NCOA1: variants seen among roughly 807,000 people sequenced by gnomAD.
NCOA1 encodes the protein Hin-2 protein.
In NCOA1, 35 loss-of-function variants were observed where a neutral mutation model predicts 150.9. The observed-to-expected ratio is 0.23, with a 90% CI of 0.18 to 0.31. The LOEUF (loss-of-function observed/expected upper bound fraction) is 0.31. NCOA1 is among the 10% of genes least tolerant of loss of function. The pLI, the probability that NCOA1 is intolerant of heterozygous loss-of-function variation, is 1.00. For missense variants in NCOA1, 1,491 were observed against 1,749.3 expected, an observed-to-expected ratio of 0.85 and a Z score of 2.63; for synonymous variants, 590 against 630.0, an observed-to-expected ratio of 0.94 and a Z score of 0.95.
At chr2:24,561,287 A>G (rs982412175) in intron 1 of NCOA1, among the ~76,000 whole-genome samples, 4 of 152,208 alleles carry the variant, frequency 2.6e-5, no homozygotes, top group African/African-American at 9.6e-5. Context: ...CTTCTTAGAT[A>G]TAGGTTTCCT....
chr2:24,645,715 A>G lies in NCOA1; in HGVS notation c.-18+1593A>G, dbSNP rs148125399. ...CTGAGCATCCGAAATCTGAAATCCTATATGCTCCCGTGAGCATTTCCTTTG... is the reference window on the plus strand; with the variant it reads ...CTGAGCATCCGAAATCTGAAATCCTGTATGCTCCCGTGAGCATTTCCTTTG... On this transcript the variant is annotated intron_variant, in intron 4 of 22. Transcript: ENST00000348332. 4.9e-4 allele frequency among the ~76,000 whole-genome samples: 74 copies of G among 152,256 alleles called. 4 individuals are homozygous for G. In the East Asian group the frequency reaches 7.9e-3, roughly 16 times the overall value.
At chr2:24,662,778 C>T (rs1238231606) in intron 5 of NCOA1, among the ~76,000 whole-genome samples, 1 of 151,316 alleles carries the variant, frequency 6.6e-6, no homozygotes, top group Non-Finnish European at 1.5e-5. Flanking sequence ...GAAGTTTGGG[C>T]CTGTGCATTT....
chr2:24,611,309 G>A (rs1356492482), intron 3 of NCOA1, among the ~76,000 whole-genome samples: 1 of 152,078 alleles, frequency 6.6e-6, no homozygotes, highest in African/African-American at 2.4e-5. Context: ...ATAATATTTC[G>A]TGGTATACGT....
At chr2:24,693,114 A>T (rs1672744009) in intron 9 of NCOA1, 138 bp from the exon 10 acceptor site, 1 of 746,804 alleles carries the variant, frequency 1.3e-6, no homozygotes, top group Non-Finnish European at 2.3e-6. Flanking sequence ...TCGGCCTCCC[A>T]AAGTGCTGGG....
intron 2 of NCOA1, among the ~76,000 whole-genome samples, chr2:24,580,213 G>A (rs1294173959): frequency 6.6e-6 from 1 of 152,150 alleles, no homozygotes; most frequent in African/African-American, 2.4e-5. Context: ...ATGCTTTAAT[G>A]TGGATTGCTT....
intron 3 of NCOA1, among the ~76,000 whole-genome samples, chr2:24,603,655 A>G (rs1668227609): frequency 6.6e-6 from 1 of 152,188 alleles, no homozygotes; most frequent in South Asian, 2.1e-4. Context: ...TTATCATGAG[A>G]TTGCAGCAAT....
chr2:24,606,305 C>T (rs571609644), intron 3 of NCOA1, among the ~76,000 whole-genome samples: 144 of 152,120 alleles, frequency 9.5e-4, no homozygotes, highest in African/African-American at 3.3e-3. Context: ...GGTGCAATCT[C>T]AGCTCACTGC....
At chr2:24,715,663 A>G (rs186083548) in intron 14 of NCOA1, among the ~76,000 whole-genome samples, 19 of 152,328 alleles carry the variant, frequency 1.2e-4, no homozygotes, top group Admixed American at 7.2e-4. Flanking sequence ...AAATATTAAG[A>G]CATAAATTTT....
intron 1 of NCOA1, among the ~76,000 whole-genome samples, chr2:24,546,127 A>C (rs1665597330): frequency 6.6e-6 from 1 of 151,888 alleles, no homozygotes; most frequent in South Asian, 2.1e-4. Context: ...ACAGCTATTT[A>C]GTGTCTATCA....
chr2:24,739,364 G>T (rs1663489124), intron 17 of NCOA1, 68 bp from the exon 18 acceptor site: 2 of 1,116,258 alleles, frequency 1.8e-6, no homozygotes, highest in Admixed American at 1.8e-5. Context: ...GAAAGTTTGT[G>T]TTACTTTATA....
intron 1 of NCOA1, among the ~76,000 whole-genome samples, chr2:24,520,855 A>G (rs772245250): frequency 3.3e-5 from 5 of 152,150 alleles, no homozygotes; most frequent in Non-Finnish European, 5.9e-5. Flanking sequence ...ACAAAGCTCT[A>G]TATGATCTGG....
At chr2:24,514,576 G>A (rs1664085985) in intron 1 of NCOA1, among the ~76,000 whole-genome samples, 1 of 152,166 alleles carries the variant, frequency 6.6e-6, no homozygotes, top group African/African-American at 2.4e-5. Flanking sequence ...ACTGAGGCAG[G>A]CGGACCACTT....
chr2:24,547,434 T>C (rs1370201860), intron 1 of NCOA1, among the ~76,000 whole-genome samples: 1 of 152,222 alleles, frequency 6.6e-6, no homozygotes, highest in African/African-American at 2.4e-5. Flanking sequence ...AGCTATATTA[T>C]GAGAATTTAC....
chr2:24,618,541 G>C (rs2148402128), intron 3 of NCOA1, among the ~76,000 whole-genome samples: 1 of 152,228 alleles, frequency 6.6e-6, no homozygotes, highest in South Asian at 2.1e-4. Context: ...CCTTAACCAA[G>C]TGACTTTTAA....
chr2:24,740,347 C>T (rs1269583968), intron 18 of NCOA1, among the ~76,000 whole-genome samples: 19 of 152,194 alleles, frequency 1.2e-4, no homozygotes, highest in Admixed American at 2.0e-4. Flanking sequence ...AGTGTATTTA[C>T]ACAAACCTAC....
At chr2:24,595,280 A>G (rs1350458017) in intron 3 of NCOA1, among the ~76,000 whole-genome samples, 1 of 152,076 alleles carries the variant, frequency 6.6e-6, no homozygotes, top group African/African-American at 2.4e-5. Context: ...TTTGTTTTCA[A>G]ACTTACTAGC....
At chr2:24,748,439 A>G (rs1485977868) in intron 19 of NCOA1, among the ~76,000 whole-genome samples, 2 of 152,004 alleles carry the variant, frequency 1.3e-5, no homozygotes, top group Non-Finnish European at 1.5e-5. Flanking sequence ...ATGAAATCCC[A>G]TTTCTACTAA....
intron 19 of NCOA1, among the ~76,000 whole-genome samples, chr2:24,747,877 C>T (rs1344481131): frequency 6.6e-6 from 1 of 152,100 alleles, no homozygotes; most frequent in African/African-American, 2.4e-5. Flanking sequence ...GAGGCCAAGG[C>T]AAGTGGATCA....
intron 3 of NCOA1, among the ~76,000 whole-genome samples, chr2:24,614,199 C>CTTTTTTTTTTTTTT (rs869113477): frequency 0.021 from 195 of 9,170 alleles, 63 homozygotes; most frequent in Non-Finnish European, 0.027. Flanking sequence ...CATTTCCATT[C>CTTTTTTTTTTTTTT]TTTTTTTTTT....
Sources: allele counts gnomAD v4.1 joint callset (sites outside exome capture counted in the v4.1 genomes callset), GRCh38; gene constraint gnomAD v4.1.1; transcripts MANE v1.5; gene names NCBI Gene and HGNC (gene_info 2026-07-23, HGNC 2026-07-21).